Variants in TEX9 observed in about 807,000 individuals in gnomAD.
TEX9 encodes the protein testis-expressed protein 9.
Under a neutral mutation model 59.6 loss-of-function variants are expected in TEX9, and 74 were observed. That is an observed-to-expected ratio of 1.24 (90% CI 1.03 to 1.51). The LOEUF is 1.51. TEX9 is among the 40% of genes most tolerant of loss of function. TEX9 has a pLI of 0.00. For synonymous variants in TEX9, 186 were observed against 152.2 expected (o/e 1.22, Z -1.64); for missense variants, 522 against 447.8 (o/e 1.17, Z -1.49).
At chr15:56,324,004 T>C (rs1386291140) in intron 1 of TEX9, among the ~76,000 whole-genome samples, 1 of 152,138 alleles carries the variant, frequency 6.6e-6, no homozygotes. Context: ...GTATTTTCCA[T>C]AGCCACAAAC....
chr15:56,434,967 A>G (rs1383545722), intron 12 of TEX9, among the ~76,000 whole-genome samples: 1 of 152,116 alleles, frequency 6.6e-6, no homozygotes, highest in South Asian at 2.1e-4. Flanking sequence ...CTTTCCTATA[A>G]GCTTTTATTT....
At chr15:56,315,361 C>T (rs2045729950) in intron 1 of TEX9, among the ~76,000 whole-genome samples, 1 of 147,180 alleles carries the variant, frequency 6.8e-6, no homozygotes, top group Non-Finnish European at 1.5e-5. Flanking sequence ...GACAAAATCT[C>T]TCAGCATTTG....
intron 1 of TEX9, among the ~76,000 whole-genome samples, chr15:56,351,851 AAGTTG>A (rs1386810273): frequency 1.3e-5 from 2 of 152,200 alleles, no homozygotes; most frequent in Non-Finnish European, 2.9e-5. Flanking sequence ...AGAAAGTATC[AAGTTG>A]AGTTCTCTAC....
At chr15:56,348,087 G>A (rs1275926678) in intron 1 of TEX9, among the ~76,000 whole-genome samples, 1 of 152,066 alleles carries the variant, frequency 6.6e-6, no homozygotes, top group Non-Finnish European at 1.5e-5. Flanking sequence ...TATCCTAATT[G>A]TGATATTGTG....
downstream of TEX9, chr15:56,446,844 T>TTG (rs1555449152): frequency 1.3e-6 from 2 of 1,596,786 alleles, no homozygotes; most frequent in Non-Finnish European, 1.7e-6. Context: ...TGATTACCAT[T>TTG]TGTTCATATT....
intron 9 of TEX9, among the ~76,000 whole-genome samples, chr15:56,399,200 G>T (rs1289811696): frequency 2.0e-5 from 3 of 152,196 alleles, no homozygotes; most frequent in Admixed American, 6.5e-5. Context: ...ATTTCCCTTT[G>T]CTAGCCAAGG....
intron 12 of TEX9, among the ~76,000 whole-genome samples, chr15:56,438,216 T>C (rs1295459217): frequency 1.3e-5 from 2 of 152,108 alleles, no homozygotes; most frequent in Non-Finnish European, 2.9e-5. Context: ...ATTCAAACTA[T>C]ACTACAAGGC....
At chr15:56,448,026 CGCATT>C (rs578068709), downstream of TEX9, among the ~76,000 whole-genome samples, 21 of 152,276 alleles carry the variant, frequency 1.4e-4, no homozygotes, top group East Asian at 4.0e-3. Context: ...GATATCCACT[CGCATT>C]GCTTATCTAT....
intron 1 of TEX9, among the ~76,000 whole-genome samples, chr15:56,247,195 CTG>C (rs2043878979): frequency 6.6e-6 from 1 of 152,154 alleles, no homozygotes; most frequent in South Asian, 2.1e-4. Flanking sequence ...ACTGTCCAGA[CTG>C]TAGTATATAC....
intron 1 of TEX9, among the ~76,000 whole-genome samples, chr15:56,334,847 A>G (rs1445782855): frequency 1.3e-5 from 2 of 152,206 alleles, no homozygotes; most frequent in Non-Finnish European, 2.9e-5. Context: ...TGGGCAAAGG[A>G]TCTGAATAGA....
chr15:56,292,461 G>A (rs1442507454), intron 1 of TEX9, among the ~76,000 whole-genome samples: 1 of 152,160 alleles, frequency 6.6e-6, no homozygotes, highest in African/African-American at 2.4e-5. Flanking sequence ...CCTGTGCCTG[G>A]TTTTAACACT....
At chr15:56,371,638 G>T (rs1395981657) in intron 2 of TEX9, among the ~76,000 whole-genome samples, 1 of 151,922 alleles carries the variant, frequency 6.6e-6, no homozygotes, top group Non-Finnish European at 1.5e-5. Flanking sequence ...TTTGCTTTTT[G>T]AGAGAGTCCT....
chr15:56,413,219 A>T (rs1459910989), intron 10 of TEX9, among the ~76,000 whole-genome samples: 1 of 134,546 alleles, frequency 7.4e-6, no homozygotes, highest in African/African-American at 2.5e-5. Context: ...ATAATTAAAT[A>T]ATTTAATTTA....
chr15:56,285,402 C>A (rs547908669), intron 1 of TEX9, among the ~76,000 whole-genome samples: 2 of 152,256 alleles, frequency 1.3e-5, no homozygotes, highest in South Asian at 2.1e-4. Flanking sequence ...TGAGTACACA[C>A]CTTATACCCT....
rs1324363936 is a variant in TEX9 at position 56,301,042 on chromosome 15, A to G, written c.-107+56764A>G. On this transcript the variant is annotated intron_variant, in intron 1 of 5. Transcript: ENST00000560827. ...ACTTGGTTGACAAATCACAGAGTGA[A>G]AAGAATATGTGACCTTTCGGACAGA... Among the ~76,000 whole-genome samples the G allele has an allele frequency of 2.6e-5, 4 of 152,256 alleles. No homozygotes were observed. In the East Asian group the frequency reaches 7.7e-4, roughly 29 times the overall value.
intron 1 of TEX9, among the ~76,000 whole-genome samples, chr15:56,245,650 AC>A (rs1412049693): frequency 2.6e-5 from 4 of 152,230 alleles, no homozygotes; most frequent in Non-Finnish European, 2.9e-5. Context: ...CACTTTCCAT[AC>A]ATTATCATAG....
intron 1 of TEX9, among the ~76,000 whole-genome samples, chr15:56,280,863 C>T (rs935609353): frequency 6.6e-6 from 1 of 152,194 alleles, no homozygotes; most frequent in East Asian, 1.9e-4. Flanking sequence ...TAACTTACGC[C>T]TAGCATAGAT....
chr15:56,255,316 A>G (rs1434198118), intron 1 of TEX9, among the ~76,000 whole-genome samples: 3 of 152,104 alleles, frequency 2.0e-5, no homozygotes, highest in African/African-American at 7.2e-5. Context: ...AGCATGATGG[A>G]GAGATAGGAG....
intron 1 of TEX9, among the ~76,000 whole-genome samples, chr15:56,329,608 A>T (rs1327443989): frequency 3.3e-5 from 5 of 152,204 alleles, no homozygotes; most frequent in Non-Finnish European, 5.9e-5. Context: ...AGTTAAAAAA[A>T]ATCAAGCAGA....
Sources: allele counts gnomAD v4.1 joint callset (sites outside exome capture counted in the v4.1 genomes callset), GRCh38; gene constraint gnomAD v4.1.1; transcripts MANE v1.5; gene names NCBI Gene and HGNC (gene_info 2026-07-23, HGNC 2026-07-21).